The following LHFPL4 variants were observed in gnomAD, a reference collection of about 807,000 sequenced individuals.
LHFPL4 encodes LHFPL tetraspan subfamily member 4.
In LHFPL4, 6 loss-of-function variants were observed where a neutral mutation model predicts 20.0. The ratio of observed to expected loss-of-function variants is 0.30; its 90% CI spans 0.16 to 0.59. The LOEUF (loss-of-function observed/expected upper bound fraction) is 0.59. LHFPL4 is among the 20% of genes least tolerant of loss of function. The pLI is 0.88. For missense variants in LHFPL4, 215 were observed against 331.2 expected (o/e 0.65, Z 2.72); for synonymous variants, 129 against 143.8 (o/e 0.90, Z 0.74).
chr3:9,523,273 C>T (rs866105103), intron 2 of LHFPL4, among the ~76,000 whole-genome samples: 25 of 130,244 alleles, frequency 1.9e-4, no homozygotes, highest in African/African-American at 3.1e-4. Context: ...CCCAGCTACT[C>T]GGGAGGCTGA....
chr3:9,511,807 T>A, intron 2 of LHFPL4, among the ~76,000 whole-genome samples: 1 of 152,150 alleles, frequency 6.6e-6, no homozygotes, highest in East Asian at 1.9e-4. Context: ...TGGAAGAAAT[T>A]GGAAATGGAA....
At chr3:9,540,974 CTG>C (rs1471826626) in intron 2 of LHFPL4, among the ~76,000 whole-genome samples, 2 of 151,714 alleles carry the variant, frequency 1.3e-5, no homozygotes, top group Non-Finnish European at 2.9e-5. Flanking sequence ...GAGTCTCACT[CTG>C]TCACCCAGGC....
intron 2 of LHFPL4, among the ~76,000 whole-genome samples, chr3:9,522,728 A>T (rs1005573803): frequency 7.0e-6 from 1 of 142,200 alleles, no homozygotes; most frequent in African/African-American, 2.6e-5. Flanking sequence ...GAGCAACAAG[A>T]GAGGAACTCT....
intron 2 of LHFPL4, among the ~76,000 whole-genome samples, chr3:9,528,086 A>G (rs983074306): frequency 3.3e-5 from 5 of 152,224 alleles, no homozygotes; most frequent in Non-Finnish European, 7.3e-5. Context: ...GCAAGTTGCA[A>G]TGAAGGTTTG....
At chr3:9,517,775 C>A (rs2046312647) in intron 2 of LHFPL4, among the ~76,000 whole-genome samples, 1 of 140,808 alleles carries the variant, frequency 7.1e-6, no homozygotes, top group Admixed American at 7.2e-5. Flanking sequence ...ATTCTGCAAT[C>A]TTGCTATAGG....
intron 2 of LHFPL4, among the ~76,000 whole-genome samples, chr3:9,519,098 C>G (rs888638175): frequency 6.6e-6 from 1 of 151,814 alleles, no homozygotes; most frequent in East Asian, 1.9e-4. Flanking sequence ...CCACCATGCC[C>G]GTCTAATTCT....
At chr3:9,528,346 C>G (rs2046387674) in intron 2 of LHFPL4, among the ~76,000 whole-genome samples, 1 of 152,324 alleles carries the variant, frequency 6.6e-6, no homozygotes, top group Admixed American at 6.5e-5. Context: ...GGAGTAGATT[C>G]CATCTCAAGA....
rs1422833778 is a variant in LHFPL4 at position 9,541,902 on chromosome 3, A to G, written c.406+10372T>C. On this transcript the variant is annotated intron_variant, in intron 2 of 3. Transcript: ENST00000287585. ...CTTTGGGAACATCTGTCAGTTTCTC[A>G]AAATTTTAAATACAGAGTTCTCATT... Among the ~76,000 whole-genome samples, 4 of 152,234 alleles carry G rather than the reference A, an allele frequency of 2.6e-5. No homozygotes were observed. In the East Asian group the frequency reaches 7.7e-4, roughly 29 times the overall value.
intron 2 of LHFPL4, among the ~76,000 whole-genome samples, chr3:9,539,401 G>A (rs1053226164): frequency 6.7e-6 from 1 of 148,898 alleles, no homozygotes; most frequent in Non-Finnish European, 1.5e-5. Flanking sequence ...CTTGCAATGA[G>A]CCGAGATTGC....
At position 9,502,063 on chromosome 3, in the gene LHFPL4, T is replaced by C. The variant is rs1291169223; in HGVS notation, c.*148A>G. On this transcript the variant is annotated 3_prime_UTR_variant, in exon 4 of 4. Coordinates refer to ENST00000287585, the MANE Select transcript of LHFPL4 (RefSeq NM_198560.3). ...CCCCCAGGCCACATCCAGGCTTTCC[T>C]CTCCTCAAAGCCTGGAGCTTGCAGG... 5 of 657,162 alleles carry C rather than the reference T, an allele frequency of 7.6e-6. No individual in the cohort carries two copies. Among genetic ancestry groups the C allele is most frequent in the Non-Finnish European group, 1.1e-5 (4 of 363,588 alleles). 40.7% of individuals were successfully genotyped at this position (657,162 alleles called of 1,614,324 possible).
intron 2 of LHFPL4, among the ~76,000 whole-genome samples, chr3:9,508,411 GAA>G (rs2046234501): frequency 6.6e-6 from 1 of 152,210 alleles, no homozygotes; most frequent in South Asian, 2.1e-4. Context: ...TAAGGGCTGG[GAA>G]AAGAGTTGCA....
chr3:9,546,016 T>G (rs1254036461), intron 2 of LHFPL4, among the ~76,000 whole-genome samples: 1 of 151,890 alleles, frequency 6.6e-6, no homozygotes, highest in Non-Finnish European at 1.5e-5. Flanking sequence ...CCCTGATAAT[T>G]AAGAACACAC....
At chr3:9,515,035 G>T (rs1387434409) in intron 2 of LHFPL4, among the ~76,000 whole-genome samples, 1 of 152,124 alleles carries the variant, frequency 6.6e-6, no homozygotes, top group Non-Finnish European at 1.5e-5. Flanking sequence ...TATGATTGCT[G>T]GGTCATATAG....
chr3:9,521,385 T>G (rs2046336427), intron 2 of LHFPL4, among the ~76,000 whole-genome samples: 1 of 151,298 alleles, frequency 6.6e-6, no homozygotes. Context: ...CCACCATGCT[T>G]GGCTAATTTT....
At position 9,552,587 on chromosome 3, in the gene LHFPL4, G is replaced by A; in HGVS notation, c.93C>T (p.Ile31=). ...AIGVLWAIFT[I]CFAIINVVVF... Reference sequence around the variant, plus strand: ...CCACCACGTTGATGATGGCGAAGCAGATGGTGAAGATGGCCCACAGCACGC... The same window carrying A: ...CCACCACGTTGATGATGGCGAAGCAAATGGTGAAGATGGCCCACAGCACGC... Residue 31 remains isoleucine, a synonymous_variant, in exon 2 of 4, where the codon ATC becomes ATT. Coordinates refer to ENST00000287585, the MANE Select transcript of LHFPL4 (RefSeq NM_198560.3). 1.9e-6 allele frequency: 3 copies of A among 1,613,976 alleles called. No homozygotes were observed. The highest frequency in any genetic ancestry group is 2.5e-6 in the Non-Finnish European group (3 of 1,179,948).
intron 2 of LHFPL4, among the ~76,000 whole-genome samples, chr3:9,545,231 T>C (rs2046504267): frequency 7.0e-6 from 1 of 143,024 alleles, no homozygotes. Context: ...GAAGGGAGAA[T>C]TGGGGGAGGA....
In LHFPL4 at chr3:9,552,465, C is replaced by T. The variant is rs138010331; in HGVS notation, c.215G>A (p.Gly72Asp). The T allele has an allele frequency of 2.1e-5, 34 of 1,612,898 alleles. No individual in the cohort carries two copies. The African/African-American group carries it at 3.9e-4, about 18-fold the overall frequency. Residue 72 changes from glycine (G) to aspartate (D), a missense_variant, in exon 2 of 4, where the codon GGC (glycine) becomes GAC (aspartate). Gly to Asp is a moderately conservative substitution (Grantham distance 94). Around this residue, in one of 2 missense-constraint regions of LHFPL4, gnomAD observed 164 missense variants for 286.7 expected, o/e 0.57. Transcript: ENST00000287585. ...GGAGCCCCGGCAGGTGAGCTCGCGG[C>T]CCGCCAGCCCGCTGCCCACGCAGTA... ...FHYCVGSGLA[G>D]RELTCRGSFT...
intron 2 of LHFPL4, among the ~76,000 whole-genome samples, chr3:9,540,949 T>A (rs1006356687): frequency 1.2e-4 from 18 of 151,608 alleles, no homozygotes; most frequent in Non-Finnish European, 2.2e-4. Context: ...TAAAATAATT[T>A]TTTTTTTTGA....
intron 2 of LHFPL4, among the ~76,000 whole-genome samples, chr3:9,538,702 C>CTTT (rs35357177): frequency 7.1e-6 from 1 of 140,108 alleles, no homozygotes. Flanking sequence ...GGTTTTCTTT[C>CTTT]TTTTTTTTTT....
Sources: gnomAD v4.1 joint callset for allele counts (sites outside exome capture counted in the v4.1 genomes callset) on GRCh38, gnomAD v4.1.1 for gene constraint, gnomAD v4.1.1 regional missense constraint, MANE v1.5 for transcripts, NCBI Gene and HGNC (gene_info 2026-07-23, HGNC 2026-07-21) for gene names.